FSTL4: variants seen among roughly 807,000 people sequenced by gnomAD.
FSTL4 encodes follistatin like 4, also known as follistatin-related protein 4.
In FSTL4, 28 loss-of-function variants were observed where a neutral mutation model predicts 78.2. That is an observed-to-expected ratio of 0.36 (90% CI 0.27 to 0.49). The LOEUF is 0.49. FSTL4 is among the 20% of genes least tolerant of loss of function. FSTL4 has a pLI of 0.98. For synonymous variants in FSTL4, 422 were observed against 440.5 expected, an observed-to-expected ratio of 0.96 and a Z score of 0.53; for missense variants, 922 against 1,084.9, an observed-to-expected ratio of 0.85 and a Z score of 2.11.
At chr5:133,752,102 G>A in the FSTL4 span, among the ~76,000 whole-genome samples, 1 of 152,190 alleles carries the variant, frequency 6.6e-6, no homozygotes, top group Non-Finnish European at 1.5e-5. Flanking sequence ...GTGCTGAAAG[G>A]GCAACCAAAA....
At chr5:133,428,059 A>C (rs77780047) in intron 3 of FSTL4, among the ~76,000 whole-genome samples, 2,386 of 152,334 alleles carry the variant, frequency 0.016, 62 homozygotes, top group African/African-American at 0.054. Context: ...ATGTGTGAAT[A>C]ACAATACCTC....
At chr5:133,774,788 G>C in the FSTL4 span, among the ~76,000 whole-genome samples, 1 of 152,062 alleles carries the variant, frequency 6.6e-6, no homozygotes, top group Non-Finnish European at 1.5e-5. Flanking sequence ...AGAAAATCAC[G>C]GTAGTCTGTT....
chr5:133,457,283 C>T (rs980110800), intron 3 of FSTL4, among the ~76,000 whole-genome samples: 1 of 152,164 alleles, frequency 6.6e-6, no homozygotes, highest in Non-Finnish European at 1.5e-5. Context: ...AAACAGCATG[C>T]GCACGTTAAC....
intron 6 of FSTL4, among the ~76,000 whole-genome samples, chr5:133,278,025 G>A (rs1455647566): frequency 2.0e-5 from 3 of 152,176 alleles, no homozygotes; most frequent in Non-Finnish European, 4.4e-5. Flanking sequence ...TAGCAGGAGG[G>A]TGAGCCTAAT....
chr5:133,319,871 A>G (rs1180544131), intron 4 of FSTL4, among the ~76,000 whole-genome samples: 1 of 152,152 alleles, frequency 6.6e-6, no homozygotes, highest in Non-Finnish European at 1.5e-5. Flanking sequence ...AACTTAAATC[A>G]TGAAGTCATT....
chr5:133,505,508 C>A (rs945142486), intron 3 of FSTL4, among the ~76,000 whole-genome samples: 1 of 152,038 alleles, frequency 6.6e-6, no homozygotes, highest in Admixed American at 6.5e-5. Context: ...GTCTGATTAG[C>A]CCAGAAGACA....
At chr5:133,522,718 A>G (rs1759004180) in intron 3 of FSTL4, among the ~76,000 whole-genome samples, 1 of 152,212 alleles carries the variant, frequency 6.6e-6, no homozygotes, top group Non-Finnish European at 1.5e-5. Flanking sequence ...GTGGCCCTTC[A>G]GGGCTGAGGG....
chr5:133,377,148 G>A (rs1359031813), intron 4 of FSTL4, among the ~76,000 whole-genome samples: 2 of 152,146 alleles, frequency 1.3e-5, no homozygotes, highest in Admixed American at 1.3e-4. Context: ...CCAGGCAAAT[G>A]CAACTGAGCA....
chr5:133,214,614 GAAAAAACAACTCAAA>G, intron 13 of FSTL4, among the ~76,000 whole-genome samples: 1 of 152,246 alleles, frequency 6.6e-6, no homozygotes, highest in Admixed American at 6.5e-5. Context: ...GCTTGACTGA[GAAAAAACAACTCAAA>G]AAGAAGTTCA....
chr5:133,442,104 G>A (rs185366215), intron 3 of FSTL4, among the ~76,000 whole-genome samples: 1 of 152,336 alleles, frequency 6.6e-6, no homozygotes, highest in African/African-American at 2.4e-5. Flanking sequence ...CATCCTCCAG[G>A]AGGAGTGAGG....
intron 3 of FSTL4, among the ~76,000 whole-genome samples, chr5:133,555,472 A>G (rs1417914596): frequency 2.0e-5 from 3 of 152,216 alleles, no homozygotes; most frequent in Admixed American, 1.3e-4. Flanking sequence ...TCAAATACCA[A>G]TGACCATATC....
intron 3 of FSTL4, among the ~76,000 whole-genome samples, chr5:133,504,158 G>A (rs1444328780): frequency 6.6e-6 from 1 of 152,046 alleles, no homozygotes; most frequent in Non-Finnish European, 1.5e-5. Context: ...TGAGATTTGG[G>A]TGGGAACACA....
At chr5:133,782,923 GTCCACTACTT>G in the FSTL4 span, among the ~76,000 whole-genome samples, 1 of 152,168 alleles carries the variant, frequency 6.6e-6, no homozygotes, top group Non-Finnish European at 1.5e-5. Context: ...GAGGAACCCT[GTCCACTACTT>G]TCCTCTGTCA....
At chr5:133,381,894 G>C (rs1755583335) in intron 4 of FSTL4, among the ~76,000 whole-genome samples, 1 of 152,232 alleles carries the variant, frequency 6.6e-6, no homozygotes, top group Non-Finnish European at 1.5e-5. Context: ...GGAACATGAG[G>C]AAGCAGGGCC....
chr5:133,608,471 A>T (rs1761020362), intron 1 of FSTL4, among the ~76,000 whole-genome samples: 1 of 152,272 alleles, frequency 6.6e-6, no homozygotes. Flanking sequence ...GAATCCACCC[A>T]GGTTCAAGGA....
intron 2 of FSTL4, among the ~76,000 whole-genome samples, chr5:133,599,932 G>A (rs1760826339): frequency 6.6e-6 from 1 of 152,206 alleles, no homozygotes; most frequent in African/African-American, 2.4e-5. Context: ...TATGCTCTCT[G>A]GAGGCTGCTA....
Position 133,225,828 on chromosome 5 carries a change from G to T in FSTL4, c.1016-9C>A. ...ACGGATGACTGGCGGCACTGTGGGTGAGAGTCAGTGCTGGTGAGAAAGAGA... is the reference window on the plus strand; with the variant it reads ...ACGGATGACTGGCGGCACTGTGGGTTAGAGTCAGTGCTGGTGAGAAAGAGA... On this transcript the variant is annotated splice_polypyrimidine_tract_variant and intron_variant, in intron 8 of 15. Transcript: ENST00000265342. This position sits in a 1 kb window ranked among gnomAD's most constrained non-coding sequence, Gnocchi z 4.6. The T allele has an allele frequency of 3.9e-6, 6 of 1,558,220 alleles. No individual in the cohort carries two copies. Among genetic ancestry groups the T allele is most frequent in the Non-Finnish European group, 5.2e-6 (6 of 1,153,646 alleles).
chr5:133,380,102 A>T (rs1266266724), intron 4 of FSTL4, among the ~76,000 whole-genome samples: 2 of 152,064 alleles, frequency 1.3e-5, no homozygotes, highest in African/African-American at 2.4e-5. Flanking sequence ...ATTTCAAATC[A>T]ATAACCTAAT....
At chr5:133,721,287 C>T in the FSTL4 span, among the ~76,000 whole-genome samples, 24 of 152,120 alleles carry the variant, frequency 1.6e-4, no homozygotes, top group African/African-American at 5.6e-4. Flanking sequence ...TGACTTTTAA[C>T]TTTCATAATA....
Sources: gnomAD v4.1 joint callset for allele counts (sites outside exome capture counted in the v4.1 genomes callset) on GRCh38, gnomAD v4.1.1 for gene constraint, Gnocchi (gnomAD v3.1) non-coding constraint, MANE v1.5 for transcripts, NCBI Gene and HGNC (gene_info 2026-07-23, HGNC 2026-07-21) for gene names.